The following FREM1 variants were observed in gnomAD, a reference collection of about 807,000 sequenced individuals.
The protein encoded by FREM1 is FRAS1 related extracellular matrix 1.
Under a neutral mutation model 210.1 loss-of-function variants are expected in FREM1, and 220 were observed. That is an observed-to-expected ratio of 1.05 (90% CI 0.94 to 1.17). The LOEUF (loss-of-function observed/expected upper bound fraction) is 1.17, where lower values mean the gene tolerates loss of function less well. Among genes scored for constraint, FREM1 ranks in the 50% most tolerant of loss-of-function variants. The pLI is 0.00. For synonymous variants in FREM1, 1,189 were observed against 980.2 expected, an observed-to-expected ratio of 1.21 and a Z score of -3.98; for missense variants, 3,454 against 2,675.5, an observed-to-expected ratio of 1.29 and a Z score of -6.42.
At chr9:14,905,732 T>C (rs1300243105) in intron 1 of FREM1, among the ~76,000 whole-genome samples, 1 of 151,788 alleles carries the variant, frequency 6.6e-6, no homozygotes, top group Non-Finnish European at 1.5e-5. Flanking sequence ...CTACTAAAAA[T>C]ACAAAAAAAT....
chr9:14,739,566 T>A (rs4606156), intron 36 of FREM1, among the ~76,000 whole-genome samples: 18,025 of 146,814 alleles, frequency 0.12, 1,252 homozygotes, highest in Non-Finnish European at 0.15. Flanking sequence ...AAATATAATA[T>A]ATATTTATAT....
chr9:14,822,166 G>A (rs1821478004), intron 13 of FREM1, among the ~76,000 whole-genome samples: 1 of 152,116 alleles, frequency 6.6e-6, no homozygotes, highest in East Asian at 1.9e-4. Flanking sequence ...ATGGTTGTGA[G>A]GCTTCCCTAG....
At chr9:14,806,001 G>A (rs1405207593) in intron 18 of FREM1, among the ~76,000 whole-genome samples, 1 of 152,190 alleles carries the variant, frequency 6.6e-6, no homozygotes, top group African/African-American at 2.4e-5. Flanking sequence ...AAAAGGTTGT[G>A]AGAATGAGAC....
intron 8 of FREM1, 99 bp downstream of exon 8, chr9:14,845,861 A>G (rs1826509322): frequency 2.5e-6 from 3 of 1,196,756 alleles, no homozygotes; most frequent in Admixed American, 4.8e-5. Context: ...TCATTGAGAA[A>G]TTGGGCCCAA....
intron 16 of FREM1, among the ~76,000 whole-genome samples, chr9:14,811,296 T>C (rs1343456160): frequency 2.0e-5 from 3 of 152,130 alleles, no homozygotes; most frequent in Non-Finnish European, 4.4e-5. Flanking sequence ...CTACAGGAGA[T>C]TTAGAAATTT....
chr9:14,788,042 T>C (rs17291716), intron 23 of FREM1, among the ~76,000 whole-genome samples: 6,839 of 152,284 alleles, frequency 0.045, 159 homozygotes, highest in South Asian at 0.085. Flanking sequence ...GCAAGATTTT[T>C]TTTTTATTAT....
chr9:14,875,149 G>T (rs899045752), intron 1 of FREM1, among the ~76,000 whole-genome samples: 13 of 152,218 alleles, frequency 8.5e-5, no homozygotes, highest in African/African-American at 3.1e-4. Context: ...ACGTGTCTTG[G>T]AGTTGCTCTT....
At chr9:14,741,015 C>T (rs939169993) in intron 35 of FREM1, among the ~76,000 whole-genome samples, 1 of 151,712 alleles carries the variant, frequency 6.6e-6, no homozygotes, top group African/African-American at 2.4e-5. Context: ...AAACAAGAAA[C>T]AAATATATCA....
At chr9:14,796,739 C>G (rs1358022366) in intron 21 of FREM1, among the ~76,000 whole-genome samples, 1 of 152,152 alleles carries the variant, frequency 6.6e-6, no homozygotes, top group Non-Finnish European at 1.5e-5. Flanking sequence ...TCTCCTGCTA[C>G]CATGTGAAGA....
At chr9:14,780,054 A>G (rs1849401911) in intron 24 of FREM1, among the ~76,000 whole-genome samples, 1 of 152,182 alleles carries the variant, frequency 6.6e-6, no homozygotes, top group Non-Finnish European at 1.5e-5. Context: ...CTGATCAATC[A>G]GATGGTCTTC....
intron 15 of FREM1, among the ~76,000 whole-genome samples, chr9:14,815,547 AC>A (rs1357878327): frequency 6.6e-6 from 1 of 152,208 alleles, no homozygotes; most frequent in East Asian, 1.9e-4. Context: ...TTCTTTTGTT[AC>A]CAACTATAAA....
chr9:14,858,171 C>T (rs143737460), intron 4 of FREM1, among the ~76,000 whole-genome samples: 113 of 152,234 alleles, frequency 7.4e-4, no homozygotes, highest in African/African-American at 2.6e-3. Flanking sequence ...GTGGCTATCA[C>T]GCACTCAAAT....
rs977156441 is a variant in FREM1, at chr9:14,797,742, A to G, written c.3695-100T>C. 24 of 1,011,108 alleles carry G rather than the reference A, an allele frequency of 2.4e-5. No homozygotes were observed. In the African/African-American group the frequency reaches 2.9e-4, roughly 12 times the overall value. 62.6% of individuals were successfully genotyped at this position (1,011,108 alleles called of 1,614,324 possible). On this transcript the variant is annotated intron_variant, in intron 20 of 36. Transcript: ENST00000380880. The stretch of plus-strand genomic sequence containing the variant: ...TAATTTTCAAGGCAGGGGTATTAGC[A>G]AGAGTTCATTTATCAGTGCAGTAGG...
At chr9:14,900,783 G>A (rs1416603099) in intron 1 of FREM1, among the ~76,000 whole-genome samples, 1 of 152,190 alleles carries the variant, frequency 6.6e-6, no homozygotes, top group Non-Finnish European at 1.5e-5. Context: ...GACATTTCCT[G>A]ATCTGTGGCT....
At chr9:14,804,483 G>A (rs1817984320) in intron 19 of FREM1, among the ~76,000 whole-genome samples, 1 of 152,200 alleles carries the variant, frequency 6.6e-6, no homozygotes, top group Non-Finnish European at 1.5e-5. Context: ...TACTCGGGAG[G>A]CTGAGGCAGG....
chr9:14,817,225 G>A (rs10961727), intron 14 of FREM1, among the ~76,000 whole-genome samples: 24,123 of 152,200 alleles, frequency 0.16, 2,425 homozygotes, highest in Middle Eastern at 0.26. Flanking sequence ...AGACTGAGCA[G>A]TAGATGAGGA....
At chr9:14,882,684 C>T (rs1320538282) in intron 1 of FREM1, among the ~76,000 whole-genome samples, 2 of 151,474 alleles carry the variant, frequency 1.3e-5, no homozygotes, top group African/African-American at 4.8e-5. Flanking sequence ...TCTCAAACTC[C>T]TGACCTCAAG....
chr9:14,740,693 T>A (rs139728294), intron 35 of FREM1, among the ~76,000 whole-genome samples: 300 of 152,342 alleles, frequency 2.0e-3, no homozygotes, highest in African/African-American at 6.7e-3. Context: ...TGGAGCTTAG[T>A]GGGTTTAGCC....
chr9:14,789,836 G>C (rs1183671737), intron 22 of FREM1, among the ~76,000 whole-genome samples: 1 of 152,080 alleles, frequency 6.6e-6, no homozygotes, highest in Non-Finnish European at 1.5e-5. Context: ...GAGGGGGGTG[G>C]CTAACAACTG....
Sources: gnomAD v4.1 joint callset for allele counts (sites outside exome capture counted in the v4.1 genomes callset) on GRCh38, gnomAD v4.1.1 for gene constraint, MANE v1.5 for transcripts, NCBI Gene and HGNC (gene_info 2026-07-23, HGNC 2026-07-21) for gene names.